Variants in PCDH7 observed in about 807,000 individuals in gnomAD.
PCDH7 encodes protocadherin-7.
PCDH7 carries 17 observed loss-of-function variants against 58.9 expected under a neutral mutation model. The observed-to-expected ratio is 0.29, with a 90% CI of 0.20 to 0.43. The LOEUF is 0.43. PCDH7 is among the 20% of genes least tolerant of loss of function. The probability of loss-of-function intolerance (pLI) is 1.00; values close to 1 mark genes in which losing one functional copy is unlikely to be tolerated. For synonymous variants in PCDH7, 664 were observed against 616.4 expected, an observed-to-expected ratio of 1.08 and a Z score of -1.14; for missense variants, 1,274 against 1,441.0, an observed-to-expected ratio of 0.88 and a Z score of 1.88.
intron 3 of PCDH7, among the ~76,000 whole-genome samples, chr4:31,054,171 G>T (rs1381603780): frequency 6.6e-6 from 1 of 152,044 alleles, no homozygotes; most frequent in Non-Finnish European, 1.5e-5. Context: ...TCACCATGTT[G>T]CCCAGGCTGG....
chr4:31,074,532 C>T (rs1578723898), intron 3 of PCDH7, among the ~76,000 whole-genome samples: 1 of 151,886 alleles, frequency 6.6e-6, no homozygotes, highest in African/African-American at 2.4e-5. Flanking sequence ...GGCTCACTCC[C>T]AGCACTCTCA....
At chr4:30,943,887 C>CACCT (rs1163175153) in intron 2 of PCDH7, among the ~76,000 whole-genome samples, 9 of 151,958 alleles carry the variant, frequency 5.9e-5, no homozygotes, top group African/African-American at 1.9e-4. Context: ...TGTTGCTCAC[C>CACCT]ACCTCTTCCA....
At chr4:30,757,779 A>C (rs1282398919) in intron 1 of PCDH7, among the ~76,000 whole-genome samples, 5 of 152,170 alleles carry the variant, frequency 3.3e-5, no homozygotes, top group Non-Finnish European at 7.4e-5. Flanking sequence ...TTCAAGAAAA[A>C]GGACTGTCTA....
At chr4:31,140,343 T>C (rs1720095356) in intron 3 of PCDH7, among the ~76,000 whole-genome samples, 1 of 152,022 alleles carries the variant, frequency 6.6e-6, no homozygotes, top group Non-Finnish European at 1.5e-5. Context: ...GACATAAATG[T>C]GGAGAGATGA....
At chr4:30,990,735 A>G (rs1043344648) in intron 3 of PCDH7, among the ~76,000 whole-genome samples, 2 of 152,182 alleles carry the variant, frequency 1.3e-5, no homozygotes, top group Non-Finnish European at 2.9e-5. Flanking sequence ...AGCCTTCATC[A>G]TTGAAACCAT....
At chr4:30,897,345 A>G (rs1420279168) in intron 1 of PCDH7, among the ~76,000 whole-genome samples, 1 of 152,218 alleles carries the variant, frequency 6.6e-6, no homozygotes, top group East Asian at 1.9e-4. Context: ...CATATTTAGT[A>G]AATGCTATGG....
chr4:30,722,422 G>A lies in PCDH7; in HGVS notation c.1000G>A (p.Asp334Asn), dbSNP rs1273415703. 1 of 1,612,554 alleles carries A rather than the reference G, an allele frequency of 6.2e-7. No individual in the cohort carries two copies. Among genetic ancestry groups the A allele is most frequent in the African/African-American group, 1.3e-5 (1 of 75,044 alleles). ...CCCCATCCTGCAACTGCGCGCAGCC[G>A]ACTTGGACGTGGGGGTCAACGGGCA... Residue 334 changes from aspartate to asparagine, a missense_variant, in exon 1 of 2, where the codon GAC becomes AAC. Around this residue, in one of 3 missense-constraint regions of PCDH7, gnomAD observed 331 missense variants for 303.2 expected, o/e 1.09. Coordinates refer to ENST00000361762, the Ensembl canonical transcript of PCDH7. This position sits in a 1 kb window ranked among gnomAD's most constrained non-coding sequence, Gnocchi z 7.6.
At chr4:31,136,510 G>C (rs554724043) in intron 3 of PCDH7, among the ~76,000 whole-genome samples, 6 of 152,266 alleles carry the variant, frequency 3.9e-5, no homozygotes, top group African/African-American at 1.4e-4. Context: ...TGATTGATTA[G>C]CCAGTGTTCC....
intron 1 of PCDH7, among the ~76,000 whole-genome samples, chr4:30,812,386 T>G (rs866542274): frequency 6.6e-6 from 1 of 152,322 alleles, no homozygotes; most frequent in Non-Finnish European, 1.5e-5. Flanking sequence ...ACATGAAAAA[T>G]AATGTAACAT....
chr4:30,893,570 G>A (rs76995644), intron 1 of PCDH7, among the ~76,000 whole-genome samples: 3,559 of 152,140 alleles, frequency 0.023, 141 homozygotes, highest in African/African-American at 0.081. Context: ...GCAGGTATAT[G>A]AGCTAATACT....
chr4:31,007,797 T>C (rs1194595129), intron 3 of PCDH7, among the ~76,000 whole-genome samples: 1 of 152,130 alleles, frequency 6.6e-6, no homozygotes, highest in Non-Finnish European at 1.5e-5. Flanking sequence ...ATTAAATCAT[T>C]TGTAGTAGCT....
chr4:30,818,402 G>A (rs1360900078), intron 1 of PCDH7, among the ~76,000 whole-genome samples: 2 of 152,098 alleles, frequency 1.3e-5, no homozygotes. Context: ...GTTATCATAT[G>A]CCAAAAGGAA....
intron 3 of PCDH7, among the ~76,000 whole-genome samples, chr4:31,039,972 A>G (rs1755720531): frequency 1.3e-5 from 2 of 152,312 alleles, no homozygotes; most frequent in African/African-American, 2.4e-5. Context: ...GTGCGTAGAT[A>G]CAAACAGGGG....
At chr4:30,940,363 A>G (rs1426734037) in intron 2 of PCDH7, among the ~76,000 whole-genome samples, 2 of 152,044 alleles carry the variant, frequency 1.3e-5, no homozygotes, top group East Asian at 3.9e-4. Context: ...TAATTTTAGA[A>G]TTCTTTTTAT....
chr4:30,929,516 A>G (rs1744297675), intron 2 of PCDH7, among the ~76,000 whole-genome samples: 1 of 152,194 alleles, frequency 6.6e-6, no homozygotes, highest in African/African-American at 2.4e-5. Flanking sequence ...ATGCAAATTT[A>G]AATGCCTCCT....
At chr4:30,896,854 C>T (rs1739455905) in intron 1 of PCDH7, among the ~76,000 whole-genome samples, 1 of 140,494 alleles carries the variant, frequency 7.1e-6, no homozygotes, top group Non-Finnish European at 1.5e-5. Context: ...TAGCTAAACC[C>T]TTTCCACTTG....
intron 3 of PCDH7, among the ~76,000 whole-genome samples, chr4:31,063,539 A>G (rs915267984): frequency 6.6e-6 from 1 of 151,786 alleles, no homozygotes; most frequent in Non-Finnish European, 1.5e-5. Flanking sequence ...TGGGAAATGT[A>G]TTATTTTCCT....
intron 3 of PCDH7, among the ~76,000 whole-genome samples, chr4:31,088,398 C>G (rs796510204): frequency 3.9e-5 from 6 of 152,020 alleles, no homozygotes; most frequent in African/African-American, 1.2e-4. Context: ...TTTGGGTGAA[C>G]TTGAATTTAT....
intron 3 of PCDH7, among the ~76,000 whole-genome samples, chr4:31,096,188 C>T (rs1271290684): frequency 6.6e-6 from 1 of 152,148 alleles, no homozygotes; most frequent in East Asian, 1.9e-4. Context: ...TGAAGTTGTT[C>T]TCCTGTTACG....
Sources: gnomAD v4.1 joint callset for allele counts (sites outside exome capture counted in the v4.1 genomes callset) on GRCh38, gnomAD v4.1.1 for gene constraint, gnomAD v4.1.1 regional missense constraint, Gnocchi (gnomAD v3.1) non-coding constraint, MANE v1.5 for transcripts, NCBI Gene and HGNC (gene_info 2026-07-23, HGNC 2026-07-21) for gene names.